PCLO: variants seen among roughly 807,000 people sequenced by gnomAD.
PCLO encodes the protein protein piccolo.
In PCLO, 82 loss-of-function variants were observed where a neutral mutation model predicts 427.5. The observed-to-expected ratio is 0.19, with a 90% CI of 0.16 to 0.23. The LOEUF (loss-of-function observed/expected upper bound fraction) is 0.23, where lower values mean the gene tolerates loss of function less well. Among genes scored for constraint, PCLO ranks in the 10% least tolerant of loss-of-function variants. The pLI is 1.00. For missense variants in PCLO, 6,239 were observed against 6,115.9 expected (o/e 1.02, Z -0.67); for synonymous variants, 2,357 against 2,155.4 (o/e 1.09, Z -2.59).
Position 83,147,057 on chromosome 7 carries a change from T to TA in PCLO, c.1893+7690dup, listed in dbSNP as rs897859026. Among the ~76,000 whole-genome samples, 27 of 129,074 alleles carry TA rather than the reference T, an allele frequency of 2.1e-4. 1 individual carries two copies. In the Middle Eastern group the frequency reaches 0.013, roughly 63 times the overall value. The allele number at this position is 129,074 out of a possible 152,430, so 84.7% of individuals were successfully genotyped here. A position where few individuals can be genotyped will look rare whatever the true frequency, so the allele number is the denominator to read the frequency against. The stretch of plus-strand genomic sequence containing the variant: ...TCTAGTCATTTAAAAGCTGAAGGTA[T>TA]AAAAAAAAAATAAAAAAAAAAAAGG... On this transcript the variant is annotated intron_variant, in intron 2 of 24. Transcript: ENST00000333891.
rs1792228248 is a variant in PCLO, at chr7:83,154,879, T to C, written c.1762A>G (p.Ile588Val). 6.2e-7 allele frequency: 1 copy of C among 1,613,724 alleles called. No individual in the cohort carries two copies. The highest frequency in any genetic ancestry group is 1.1e-5 in the South Asian group (1 of 91,088). ...TCAGTGGTATTGCAAAGAGGACAGA[T>C]GGTTTTAGGGAGGCCTTGTGAAGGA... is the stretch of plus-strand genomic sequence containing the variant. ...QPPSQGLPKT[I>V]CPLCNTTELL... is the part of the protein sequence containing the mutation. Residue 588 changes from isoleucine (I) to valine (V), a missense_variant, in exon 2 of 25, where the codon ATC (isoleucine) becomes GTC (valine). Transcript: ENST00000333891.
chr7:83,160,786 T>C (rs991713011), intron 1 of PCLO, among the ~76,000 whole-genome samples: 19 of 152,162 alleles, frequency 1.2e-4, no homozygotes, highest in African/African-American at 4.6e-4. Flanking sequence ...GTAACTGGTA[T>C]TGGTAACCAG....
chr7:82,934,329 A>G (rs1794904005), intron 6 of PCLO, among the ~76,000 whole-genome samples: 1 of 151,880 alleles, frequency 6.6e-6, no homozygotes, highest in Non-Finnish European at 1.5e-5. Flanking sequence ...TAATTCTAGT[A>G]TATTAATTAA....
intron 3 of PCLO, among the ~76,000 whole-genome samples, chr7:83,069,130 C>A (rs759196126): frequency 6.6e-6 from 1 of 152,096 alleles, no homozygotes; most frequent in Non-Finnish European, 1.5e-5. Context: ...TTCTGGAGAA[C>A]TAATGCATAT....
rs1411584545 is a variant in PCLO, at chr7:82,949,829, G to A, written c.10759C>T (p.Pro3587Ser). Residue 3587 changes from proline to serine, a missense_variant, in exon 6 of 25, where the codon CCC (proline) becomes TCC (serine). Coordinates refer to ENST00000333891, the MANE Select transcript of PCLO (RefSeq NM_033026.6). ...SPQYLSATSP[P>S]KDKKRPTPLE... Reference sequence around the variant, plus strand: ...GGTGTTGGGCGTTTCTTGTCTTTGGGTGGAGATGTGGCACTCAGATATTGA... The same window carrying A: ...GGTGTTGGGCGTTTCTTGTCTTTGGATGGAGATGTGGCACTCAGATATTGA... 9.3e-6 allele frequency: 15 copies of A among 1,613,744 alleles called. No individual in the cohort carries two copies. The highest frequency in any genetic ancestry group is 1.3e-5 in the Non-Finnish European group (15 of 1,179,834).
intron 3 of PCLO, among the ~76,000 whole-genome samples, chr7:83,032,317 T>A (rs1350312050): frequency 2.0e-5 from 3 of 152,100 alleles, no homozygotes; most frequent in African/African-American, 7.2e-5. Flanking sequence ...TGCTTCACCT[T>A]CTAATGCAAC....
chr7:82,771,942 C>CT (rs201288597), intron 22 of PCLO, among the ~76,000 whole-genome samples: 25 of 151,412 alleles, frequency 1.7e-4, no homozygotes, highest in Admixed American at 1.7e-3. Flanking sequence ...TGAAGGCATA[C>CT]TTTTTTTTTG....
At chr7:83,097,742 A>G (rs1341816476) in intron 3 of PCLO, among the ~76,000 whole-genome samples, 1 of 151,502 alleles carries the variant, frequency 6.6e-6, no homozygotes, top group Non-Finnish European at 1.5e-5. Flanking sequence ...GAAATAGAGC[A>G]CTTGCTATTG....
chr7:83,134,831 G>A lies in PCLO; in HGVS notation c.2719C>T (p.Leu907=). The A allele has an allele frequency of 1.2e-6, 2 of 1,613,114 alleles. No individual in the cohort carries two copies. The highest frequency in any genetic ancestry group is 2.2e-5 in the East Asian group (1 of 44,856). Residue 907 remains leucine (L), a synonymous_variant, in exon 3 of 25, where the codon CTG becomes TTG. Transcript: ENST00000333891. The stretch of plus-strand genomic sequence containing the variant: ...GCATCAGTAATACTTCCCAGATTCA[G>A]ACTGAAACGCCTTGACTGCTCCTGA... ...KPQEQSRRFS[L]NLGSITDAPK...
intron 3 of PCLO, among the ~76,000 whole-genome samples, chr7:83,108,464 A>G (rs1790923201): frequency 6.6e-6 from 1 of 152,120 alleles, no homozygotes; most frequent in African/African-American, 2.4e-5. Flanking sequence ...TAAAAGTTCA[A>G]TTTCCCACTG....
chr7:82,956,525 T>C lies in PCLO; in HGVS notation c.4428A>G (p.Lys1476=). The stretch of plus-strand genomic sequence containing the variant: ...GTTGGCTATCTTTTTTAAAAGTGTC[T>C]TTCCTTTCTTCTTGACTCTCTTTGA... The part of the protein sequence containing the change: ...EEIKESQEER[K]DTFKKDSQQD... The change falls in exon 5 of 25, where the codon AAA becomes AAG. Residue 1476 remains lysine (K), a synonymous_variant. Coordinates refer to ENST00000333891, the MANE Select transcript of PCLO (RefSeq NM_033026.6). 6.2e-7 allele frequency: 1 copy of C among 1,612,762 alleles called. No homozygotes were observed. Among genetic ancestry groups the C allele is most frequent in the Non-Finnish European group, 8.5e-7 (1 of 1,179,650 alleles).
At chr7:82,979,063 A>G (rs1006850342) in intron 3 of PCLO, among the ~76,000 whole-genome samples, 1 of 152,152 alleles carries the variant, frequency 6.6e-6, no homozygotes, top group Admixed American at 6.6e-5. Flanking sequence ...TCAATATTTA[A>G]GAAGGACTTA....
At chr7:82,874,135 T>C (rs558272474) in intron 10 of PCLO, among the ~76,000 whole-genome samples, 1 of 152,072 alleles carries the variant, frequency 6.6e-6, no homozygotes, top group Admixed American at 6.6e-5. Flanking sequence ...CTGCGAGGAG[T>C]GACATCTTAA....
chr7:82,938,654 T>C (rs1445026586), intron 6 of PCLO, among the ~76,000 whole-genome samples: 1 of 151,974 alleles, frequency 6.6e-6, no homozygotes, highest in African/African-American at 2.4e-5. Flanking sequence ...TAAAACATGA[T>C]AACTTAAGGA....
rs12707532 is a variant in PCLO at position 82,991,527 on chromosome 7, C to T, written c.3301-25040G>A. ...AAATGAAAGTCTTTGCTCATAACTA[C>T]CTTAATGCTGAGATAACAATATATT... On this transcript the variant is annotated intron_variant, in intron 3 of 24. Coordinates refer to ENST00000333891, the MANE Select transcript of PCLO (RefSeq NM_033026.6). Among the ~76,000 whole-genome samples, 411 of 152,126 alleles carry T rather than the reference C, an allele frequency of 2.7e-3. 1 individual carries two copies. Among genetic ancestry groups the T allele is most frequent in the South Asian group, 3.9e-3 (19 of 4,824 alleles).
At chr7:82,765,535 C>T (rs1790515515) in intron 22 of PCLO, among the ~76,000 whole-genome samples, 1 of 151,900 alleles carries the variant, frequency 6.6e-6, no homozygotes, top group Non-Finnish European at 1.5e-5. Flanking sequence ...GGCTTCTTAA[C>T]ATTACTATTT....
intron 2 of PCLO, among the ~76,000 whole-genome samples, chr7:83,149,812 A>G (rs1325290594): frequency 1.3e-5 from 2 of 152,244 alleles, no homozygotes; most frequent in Non-Finnish European, 2.9e-5. Flanking sequence ...ACCCAACTGA[A>G]GAATTTCAGT....
At chr7:82,971,512 T>G (rs1795903458) in intron 3 of PCLO, among the ~76,000 whole-genome samples, 1 of 148,070 alleles carries the variant, frequency 6.8e-6, no homozygotes, top group Non-Finnish European at 1.5e-5. Context: ...TAATAAAATT[T>G]CATTCTATAT....
intron 3 of PCLO, among the ~76,000 whole-genome samples, chr7:83,092,419 G>T (rs1790400846): frequency 1.3e-5 from 2 of 152,136 alleles, no homozygotes; most frequent in Admixed American, 6.5e-5. Context: ...TGGGAATAAG[G>T]ACAAACAGAA....
Sources: gnomAD v4.1 joint callset for allele counts (sites outside exome capture counted in the v4.1 genomes callset) on GRCh38, gnomAD v4.1.1 for gene constraint, MANE v1.5 for transcripts, NCBI Gene and HGNC (gene_info 2026-07-23, HGNC 2026-07-21) for gene names.